TSC1: variants seen among roughly 807,000 people sequenced by gnomAD.
TSC1 encodes TSC complex subunit 1.
Under a neutral mutation model 124.3 loss-of-function variants are expected in TSC1, and 20 were observed. That is an observed-to-expected ratio of 0.16 (90% CI 0.11 to 0.23). The LOEUF (loss-of-function observed/expected upper bound fraction) is 0.23. Among genes scored for constraint, TSC1 ranks in the 10% least tolerant of loss-of-function variants. The pLI is 1.00. For synonymous variants in TSC1, 493 were observed against 539.1 expected (o/e 0.91, Z 1.19); for missense variants, 1,124 against 1,448.5 (o/e 0.78, Z 3.64).
rs1588303336 is a variant in TSC1, at chr9:132,903,501, C to T, written c.2208+150G>A. The T allele has an allele frequency of 6.6e-6, 7 of 1,052,930 alleles. No individual in the cohort carries two copies. In the East Asian group the frequency reaches 1.7e-4, roughly 25 times the overall value. 65.2% of individuals were successfully genotyped at this position (1,052,930 alleles called of 1,614,324 possible). On this transcript the variant is annotated intron_variant, in intron 17 of 22. Transcript: ENST00000298552. This position sits in a 1 kb window ranked among gnomAD's most constrained non-coding sequence, Gnocchi z 5.9. ...ATTATGAGGGAATTCCGAGGTGTCA[C>T]CATTCATGTCTTAATCTCAAGCGAC...
rs1588309781 is a variant in TSC1, at chr9:132,905,865, T to C, written c.1713A>G (p.Glu571=). The C allele has an allele frequency of 6.2e-7, 1 of 1,612,712 alleles. No homozygotes were observed. The highest frequency in any genetic ancestry group is 8.5e-7 in the Non-Finnish European group (1 of 1,178,862). ...SADESPAGDR[E]CQTSLETSIF... ...TACTGGTCTCCAAAGAAGTCTGGCA[T>C]TCCCTGTCTCCCGCAGGGCTTTCAT... The change falls in exon 15 of 23, where the codon GAA becomes GAG. Residue 571 remains glutamate (E), a synonymous_variant. Coordinates refer to ENST00000298552, the MANE Select transcript of TSC1 (RefSeq NM_000368.5).
chr9:132,936,980 C>G (rs543555387), intron 1 of TSC1, among the ~76,000 whole-genome samples: 1 of 152,338 alleles, frequency 6.6e-6, no homozygotes, highest in South Asian at 2.1e-4. Flanking sequence ...TATATTTCCA[C>G]GTGGAACACA....
intron 8 of TSC1, among the ~76,000 whole-genome samples, chr9:132,920,671 G>A (rs1208113829): frequency 6.6e-6 from 1 of 151,984 alleles, no homozygotes; most frequent in Admixed American, 6.5e-5. Context: ...CCATGGGTCA[G>A]TTTCCCCAAA....
chr9:132,912,888 C>T lies in TSC1; in HGVS notation c.738-431G>A, dbSNP rs531793618. 7 of 181,394 alleles carry T rather than the reference C, an allele frequency of 3.9e-5. No homozygotes were observed. The East Asian group carries it at 1.1e-3, about 28-fold the overall frequency. 11.2% of individuals were successfully genotyped at this position (181,394 alleles called of 1,614,324 possible). A position where few individuals can be genotyped will look rare whatever the true frequency, so the allele number is the denominator to read the frequency against. ...CTCAGGTGTCAAATCCATCCCTGGA[C>T]CAGAAACAGAGTATAAAAAGACAAA... On this transcript the variant is annotated intron_variant, in intron 8 of 22. Coordinates refer to ENST00000298552, the MANE Select transcript of TSC1 (RefSeq NM_000368.5).
intron 2 of TSC1, among the ~76,000 whole-genome samples, chr9:132,933,431 A>C (rs1847305519): frequency 6.7e-6 from 1 of 149,558 alleles, no homozygotes; most frequent in Non-Finnish European, 1.5e-5. Flanking sequence ...GAAAAATGCT[A>C]TTAAAAGCTG....
chr9:132,942,482 G>A (rs549612429), intron 1 of TSC1: 1 of 152,284 alleles, frequency 6.6e-6, no homozygotes, highest in Non-Finnish European at 1.5e-5. Context: ...AGACTGTTAA[G>A]TTTCATCTCA....
intron 15 of TSC1, among the ~76,000 whole-genome samples, chr9:132,905,064 G>A (rs1475894067): frequency 6.6e-6 from 1 of 152,178 alleles, no homozygotes; most frequent in African/African-American, 2.4e-5. Flanking sequence ...CTCAGCTAGA[G>A]TCCTTTCTAT....
At chr9:132,919,890 G>C (rs1846454724) in intron 8 of TSC1, among the ~76,000 whole-genome samples, 1 of 152,214 alleles carries the variant, frequency 6.6e-6, no homozygotes, top group South Asian at 2.1e-4. Flanking sequence ...TCTGTACTTA[G>C]CTTGTCTTAA....
Position 132,902,502 on chromosome 9 carries a change from TA to T in TSC1, c.2391+102del. 1 of 1,366,512 alleles carries T rather than the reference TA, an allele frequency of 7.3e-7. No homozygotes were observed. The allele number at this position is 1,366,512 out of a possible 1,614,324, so 84.6% of individuals were successfully genotyped here. A position where few individuals can be genotyped will look rare whatever the true frequency, so the allele number is the denominator to read the frequency against. ...TCAGAGAGAAAAGCATTCAGCTTAG[TA>T]AAGCTGAACAAGTCAAGGACACCCA... On this transcript the variant is annotated intron_variant, in intron 18 of 22. Coordinates refer to ENST00000298552, the MANE Select transcript of TSC1 (RefSeq NM_000368.5). The surrounding 1 kb of genome is among the most constrained non-coding windows in gnomAD (Gnocchi z 5.2).
In TSC1 at chr9:132,911,085, C is replaced by A; in HGVS notation, c.1058G>T (p.Cys353Phe). The change falls in exon 11 of 23, where the codon TGT becomes TTT. Residue 353 changes from cysteine to phenylalanine, a missense_variant. Cys to Phe is a radical substitution (Grantham distance 205). Around this residue, in one of 5 missense-constraint regions of TSC1, gnomAD observed 463 missense variants for 606.8 expected, o/e 0.76. Coordinates refer to ENST00000298552, the MANE Select transcript of TSC1 (RefSeq NM_000368.5). ...AGAAGTTGGAGGAGTGGTCATACCA[C>A]AAACCATAGATGGGCTCCAAAGAGT... The part of the protein sequence containing the change: ...QATLWSPSMV[C>F]GMTTPPTSPG... 6.2e-7 allele frequency: 1 copy of A among 1,614,138 alleles called. No individual in the cohort carries two copies. Among genetic ancestry groups the A allele is most frequent in the Non-Finnish European group, 8.5e-7 (1 of 1,180,006 alleles).
At position 132,907,373 on chromosome 9, in the gene TSC1, G is replaced by A. The variant is rs1194717065; in HGVS notation, c.1264-3C>T. 2.5e-6 allele frequency: 4 copies of A among 1,611,702 alleles called. No homozygotes were observed. The South Asian group carries it at 3.3e-5, about 13-fold the overall frequency. On this transcript the variant is annotated splice_polypyrimidine_tract_variant and splice_region_variant and intron_variant, in intron 12 of 22. Coordinates refer to ENST00000298552, the MANE Select transcript of TSC1 (RefSeq NM_000368.5). ...CTTGCAGAATCCATTCTCTCTTCCT[G>A]AAAAGATAAGTATCATTTATATCAC... is the stretch of plus-strand genomic sequence containing the variant.
intron 12 of TSC1, among the ~76,000 whole-genome samples, 185 bp from the exon 13 acceptor site, chr9:132,907,555 T>C (rs1330797328): frequency 4.1e-5 from 6 of 147,518 alleles, no homozygotes; most frequent in Non-Finnish European, 7.5e-5. Flanking sequence ...AATGGCACAA[T>C]CTCGGCTCAC....
Position 132,896,694 on chromosome 9 carries a change from A to G in TSC1, c.3036T>C (p.Ser1012=), listed in dbSNP as rs2131614167. ...GGGTCTTGGTCTCACCGTTGTGGCC[A>G]GATGCCTCTTCATTGTGCCCTACCA... ...DSMVGHNEEA[S]GHNGETKTPR... Residue 1012 remains serine (S), a synonymous_variant, in exon 23 of 23, where the codon TCT becomes TCC. Transcript: ENST00000298552. This position sits in a 1 kb window ranked among gnomAD's most constrained non-coding sequence, Gnocchi z 4.5. The G allele has an allele frequency of 6.2e-7, 1 of 1,614,056 alleles. No homozygotes were observed. The highest frequency in any genetic ancestry group is 8.5e-7 in the Non-Finnish European group (1 of 1,180,032).
intron 8 of TSC1, among the ~76,000 whole-genome samples, chr9:132,913,878 TTTG>T (rs1395423564): frequency 3.0e-5 from 3 of 99,924 alleles, no homozygotes; most frequent in African/African-American, 9.6e-5. Context: ...CCATGGGTTT[TTTG>T]TTTTGTTTTG....
chr9:132,892,143 C>G lies in TSC1; in HGVS notation c.*4092G>C, dbSNP rs1265154730. ...GGACTGCAGGACGGCATGGAAGAGA[C>G]AGGAACACGCTCCCCTGGGCACATC... On this transcript the variant is annotated 3_prime_UTR_variant, in exon 23 of 23. Coordinates refer to ENST00000298552, the MANE Select transcript of TSC1 (RefSeq NM_000368.5). 1 of 233,108 alleles carries G rather than the reference C, an allele frequency of 4.3e-6. No homozygotes were observed. Among genetic ancestry groups the G allele is most frequent in the Admixed American group, 5.6e-5 (1 of 17,782 alleles). 14.4% of individuals were successfully genotyped at this position (233,108 alleles called of 1,614,324 possible). A position where few individuals can be genotyped will look rare whatever the true frequency, so the allele number is the denominator to read the frequency against.
At chr9:132,940,599 C>T (rs181169759) in intron 1 of TSC1, 49 of 152,268 alleles carry the variant, frequency 3.2e-4, no homozygotes, top group African/African-American at 1.1e-3. Context: ...AGGTTCATAT[C>T]CCAGCTTAGC....
chr9:132,925,954 C>A, intron 4 of TSC1: 1 of 604,844 alleles, frequency 1.7e-6, no homozygotes, highest in South Asian at 2.0e-5. Context: ...GTTTGCAGCT[C>A]ATGAAAAAGG....
intron 8 of TSC1, among the ~76,000 whole-genome samples, chr9:132,918,309 AC>A (rs1411587999): frequency 6.6e-6 from 1 of 152,246 alleles, no homozygotes; most frequent in Non-Finnish European, 1.5e-5. Flanking sequence ...AACTGATTAT[AC>A]TACAGAATCC....
intron 12 of TSC1, among the ~76,000 whole-genome samples, chr9:132,907,824 C>A (rs192253295): frequency 6.6e-6 from 1 of 152,224 alleles, no homozygotes; most frequent in Non-Finnish European, 1.5e-5. Flanking sequence ...TGGTGGCCCA[C>A]GCCTGTAGTC....
Sources: gnomAD v4.1 joint callset for allele counts (sites outside exome capture counted in the v4.1 genomes callset) on GRCh38, gnomAD v4.1.1 for gene constraint, gnomAD v4.1.1 regional missense constraint, Gnocchi (gnomAD v3.1) non-coding constraint, MANE v1.5 for transcripts, NCBI Gene and HGNC (gene_info 2026-07-23, HGNC 2026-07-21) for gene names.